CLDN16: variants seen among roughly 807,000 people sequenced by gnomAD.
The protein encoded by CLDN16 is claudin 16, also known as claudin-16.
In CLDN16, 13 loss-of-function variants were observed where a neutral mutation model predicts 24.6. The observed-to-expected ratio is 0.53, with a 90% CI of 0.34 to 0.84. The LOEUF is 0.84. CLDN16 is among the 40% of genes least tolerant of loss of function. CLDN16 has a pLI of 0.01. For missense variants in CLDN16, 298 were observed against 292.7 expected, an observed-to-expected ratio of 1.02 and a Z score of -0.13; for synonymous variants, 116 against 106.7, an observed-to-expected ratio of 1.09 and a Z score of -0.54.
the CLDN16 span, chr3:190,306,494 T>C: frequency 6.6e-6 from 1 of 152,280 alleles, no homozygotes; most frequent in African/African-American, 2.4e-5. Flanking sequence ...AAAACCACAC[T>C]TACATGTATT....
chr3:190,401,386 A>G (rs752792936), intron 1 of CLDN16, among the ~76,000 whole-genome samples: 4 of 152,162 alleles, frequency 2.6e-5, no homozygotes, highest in African/African-American at 4.8e-5. Context: ...TTTATTTTCC[A>G]AGATAATTCA....
intron 1 of CLDN16, among the ~76,000 whole-genome samples, chr3:190,353,316 C>T (rs1305616383): frequency 6.6e-6 from 1 of 152,042 alleles, no homozygotes; most frequent in East Asian, 1.9e-4. Context: ...CTTTCCACAC[C>T]ATACCAAAGT....
upstream of CLDN16, among the ~76,000 whole-genome samples, chr3:190,319,703 T>C (rs149549378): frequency 6.9e-3 from 1,053 of 152,338 alleles, 11 homozygotes; most frequent in African/African-American, 0.025. Context: ...ACACACTTAA[T>C]GAAATGCAGC....
chr3:190,338,858 G>A (rs1288237747), intron 1 of CLDN16, among the ~76,000 whole-genome samples: 1 of 152,130 alleles, frequency 6.6e-6, no homozygotes, highest in Non-Finnish European at 1.5e-5. Flanking sequence ...GTGGCTCTTG[G>A]CACTTCTCCA....
intron 2 of CLDN16, among the ~76,000 whole-genome samples, chr3:190,372,565 G>A (rs535996062): frequency 4.3e-4 from 66 of 151,972 alleles, no homozygotes; most frequent in Non-Finnish European, 8.5e-4. Flanking sequence ...GATCAATTGA[G>A]CCTAAGAGTT....
chr3:190,313,083 A>T, the CLDN16 span: 1 of 1,610,332 alleles, frequency 6.2e-7, no homozygotes, highest in Non-Finnish European at 8.5e-7. Context: ...TTGGACCAAC[A>T]AGAGAAAAAT....
At chr3:190,405,404 A>C (rs541548276) in intron 3 of CLDN16, among the ~76,000 whole-genome samples, 89 of 149,292 alleles carry the variant, frequency 6.0e-4, no homozygotes, top group Non-Finnish European at 1.0e-3. Context: ...CAGCCTGGGC[A>C]ACAGAGCAAG....
chr3:190,343,686 T>TGAAGTAA (rs755143004), intron 1 of CLDN16, among the ~76,000 whole-genome samples: 9 of 152,034 alleles, frequency 5.9e-5, no homozygotes, highest in Non-Finnish European at 1.2e-4. Flanking sequence ...TTATGCTACG[T>TGAAGTAA]GAAGTAAGTC....
chr3:190,380,886 A>G (rs1718356802), intron 3 of CLDN16, among the ~76,000 whole-genome samples: 1 of 152,144 alleles, frequency 6.6e-6, no homozygotes. Context: ...GAAGAAGGAA[A>G]TGGAAATGGT....
At chr3:190,387,721 A>G (rs545277933), upstream of CLDN16, among the ~76,000 whole-genome samples, 1 of 152,290 alleles carries the variant, frequency 6.6e-6, no homozygotes, top group African/African-American at 2.4e-5. Context: ...CAAGTCCTTC[A>G]TGGGGCTGTT....
rs910278971 is a variant in CLDN16 at position 190,341,772 on chromosome 3, C to A, written n.121+19111C>A. On this transcript the variant is annotated intron_variant and non_coding_transcript_variant, in intron 1 of 4. Coordinates refer to the CLDN16 transcript ENST00000468220. ...TTCTGAACTTTGATGCTCTGTTTCC[C>A]TTTTAAAACTGAATGCATTTAACAG... Among the ~76,000 whole-genome samples the A allele has an allele frequency of 2.6e-5, 4 of 152,268 alleles. No homozygotes were observed. The East Asian group carries it at 5.8e-4, about 22-fold the overall frequency.
At chr3:190,321,861 A>G (rs1716930712), upstream of CLDN16, 2 of 760,724 alleles carry the variant, frequency 2.6e-6, no homozygotes, top group Admixed American at 4.3e-5. Context: ...AGAGCACATG[A>G]TCAGAAGACT....
chr3:190,308,428 C>T, the CLDN16 span: 2 of 1,613,328 alleles, frequency 1.2e-6, no homozygotes, highest in Admixed American at 3.3e-5. Flanking sequence ...GAGAGCCTGA[C>T]CAAATTCGTA....
chr3:190,298,311 C>T, the CLDN16 span, among the ~76,000 whole-genome samples: 2 of 149,984 alleles, frequency 1.3e-5, no homozygotes, highest in South Asian at 4.2e-4. Context: ...ATGTCCATGC[C>T]TTTTCTTTAC....
intron 1 of CLDN16, among the ~76,000 whole-genome samples, chr3:190,344,177 A>G (rs1717502769): frequency 6.6e-6 from 1 of 152,100 alleles, no homozygotes; most frequent in Non-Finnish European, 1.5e-5. Context: ...AAGAATAGCC[A>G]TCATTATAAA....
intron 2 of CLDN16, 110 bp from the exon 3 acceptor site, chr3:190,404,652 G>T (rs140918099): frequency 7.9e-6 from 8 of 1,012,346 alleles, no homozygotes; most frequent in Non-Finnish European, 1.1e-5. Flanking sequence ...GACTTTTACC[G>T]GAGGGGTGTG....
At chr3:190,385,014 C>A (rs17444719), upstream of CLDN16, among the ~76,000 whole-genome samples, 7,266 of 152,112 alleles carry the variant, frequency 0.048, 246 homozygotes, top group Non-Finnish European at 0.076. Flanking sequence ...TCAGAATTAC[C>A]TGAATGGAGT....
At position 190,388,214 on chromosome 3, in the gene CLDN16, G is replaced by C; in HGVS notation, c.-116G>C. 1.2e-6 allele frequency: 2 copies of C among 1,614,036 alleles called. No homozygotes were observed. The highest frequency in any genetic ancestry group is 1.7e-6 in the Non-Finnish European group (2 of 1,179,986). On this transcript the variant is annotated 5_prime_UTR_variant, in exon 1 of 5. Transcript: ENST00000264734. ...CAGCAGGGCGTGAGAAAAAGTAAAA[G>C]ACCAGTATTTTCACATTGCCAGGTA...
chr3:190,325,151 T>C (rs1329105717), intron 1 of CLDN16, among the ~76,000 whole-genome samples: 2 of 152,204 alleles, frequency 1.3e-5, no homozygotes, highest in African/African-American at 4.8e-5. Flanking sequence ...GTCAGAGTTT[T>C]ATATGCTATC....
Sources: allele counts gnomAD v4.1 joint callset (sites outside exome capture counted in the v4.1 genomes callset), GRCh38; gene constraint gnomAD v4.1.1; transcripts MANE v1.5; gene names NCBI Gene and HGNC (gene_info 2026-07-23, HGNC 2026-07-21).